The following MTG2 variants were observed in gnomAD, a reference collection of about 807,000 sequenced individuals.
The protein encoded by MTG2 is mitochondrial ribosome associated GTPase 2.
Under a neutral mutation model 28.6 loss-of-function variants are expected in MTG2, and 23 were observed. The ratio of observed to expected loss-of-function variants is 0.80; its 90% confidence interval spans 0.58 to 1.14. The LOEUF (loss-of-function observed/expected upper bound fraction) is 1.14. MTG2 is among the 50% of genes most tolerant of loss of function. The pLI is 0.00. For missense variants in MTG2, 539 were observed against 552.0 expected (o/e 0.98, Z 0.24); for synonymous variants, 260 against 251.8 (o/e 1.03, Z -0.31).
intron 1 of MTG2, among the ~76,000 whole-genome samples, chr20:62,192,442 C>T (rs770659673): frequency 1.2e-4 from 19 of 152,280 alleles, no homozygotes; most frequent in Middle Eastern, 3.4e-3. Flanking sequence ...CCTTACAGCA[C>T]GGGGATGAGT....
intron 1 of MTG2, among the ~76,000 whole-genome samples, chr20:62,184,655 G>A (rs1173364843): frequency 6.6e-6 from 1 of 152,196 alleles, no homozygotes; most frequent in East Asian, 1.9e-4. Flanking sequence ...CCAGTCTCTG[G>A]TAGAGGGCCA....
chr20:62,183,181 T>G (rs2057756961), intron 1 of MTG2, 124 bp downstream of exon 1: 1 of 152,072 alleles, frequency 6.6e-6, no homozygotes, highest in African/African-American at 2.4e-5. Context: ...GGCCCCGGCC[T>G]AGGAGCTGAG....
intron 1 of MTG2, among the ~76,000 whole-genome samples, chr20:62,191,985 G>A (rs890391886): frequency 3.3e-5 from 5 of 152,188 alleles, no homozygotes; most frequent in Non-Finnish European, 5.9e-5. Context: ...TGCCAACCCT[G>A]TCGCTCCGGG....
rs372614544 is a variant in MTG2, at chr20:62,189,410, A to G, written c.-5-4006A>G. ...TAGCAGCTTTGAATTCATGGGCTCA[A>G]GTGATTCTCCCACCTCAGCCTCCAA... On this transcript the variant is annotated intron_variant, in intron 1 of 6. Transcript: ENST00000370823. Among the ~76,000 whole-genome samples the G allele has an allele frequency of 1.8e-4, 28 of 152,178 alleles. No homozygotes were observed. In the East Asian group the frequency reaches 4.3e-3, roughly 23 times the overall value.
rs745835403 is a variant in MTG2 at position 62,200,723 on chromosome 20, C to T, written c.867C>T (p.Asn289=). The part of the protein sequence containing the change: ...IPGIIRGAHQ[N]RGLGSAFLRH... ...GCATCATACGAGGCGCCCACCAGAA[C>T]AGGGGTCTGGGGTCCGCCTTCCTCA... Residue 289 remains asparagine (N), a synonymous_variant, in exon 7 of 7, where the codon AAC becomes AAT. Transcript: ENST00000370823. The T allele has an allele frequency of 6.2e-7, 1 of 1,613,172 alleles. No homozygotes were observed. The highest frequency in any genetic ancestry group is 8.5e-7 in the Non-Finnish European group (1 of 1,179,968).
intron 3 of MTG2, among the ~76,000 whole-genome samples, chr20:62,196,661 C>T (rs1013451799): frequency 6.6e-6 from 1 of 150,684 alleles, no homozygotes; most frequent in Non-Finnish European, 1.5e-5. Flanking sequence ...CAGAGGAAGA[C>T]CCTATCTCAA....
chr20:62,183,220 C>T (rs1267353090), intron 1 of MTG2, among the ~76,000 whole-genome samples, 163 bp downstream of exon 1: 5 of 152,090 alleles, frequency 3.3e-5, no homozygotes, highest in Admixed American at 3.3e-4. Context: ...GGCTGCGAAC[C>T]CCGGCGGGAC....
chr20:62,197,918 G>C lies in MTG2; in HGVS notation c.419G>C (p.Gly140Ala). The C allele has an allele frequency of 6.2e-7, 1 of 1,614,198 alleles. No individual in the cohort carries two copies. Among genetic ancestry groups the C allele is most frequent in the African/African-American group, 1.3e-5 (1 of 75,050 alleles). ...TACCAGGGTTTCAGTGGAGAAGATGGAGGGAGTAAAAACTGCTTCGGGCGC... is the reference window on the plus strand; with the variant it reads ...TACCAGGGTTTCAGTGGAGAAGATGCAGGGAGTAAAAACTGCTTCGGGCGC... ...SRYQGFSGED[G>A]GSKNCFGRSG... Residue 140 changes from glycine (G) to alanine (A), a missense_variant, in exon 4 of 7, where the codon GGA becomes GCA. Physicochemically the swap from Gly to Ala is moderately conservative, Grantham distance 60. Coordinates refer to ENST00000370823, the MANE Select transcript of MTG2 (RefSeq NM_015666.4).
intron 1 of MTG2, among the ~76,000 whole-genome samples, chr20:62,192,452 T>C (rs1357335431): frequency 6.6e-6 from 1 of 151,962 alleles, no homozygotes; most frequent in African/African-American, 2.4e-5. Context: ...CGGGGATGAG[T>C]TCACCAAACT....
At chr20:62,189,561 T>G (rs560933825) in intron 1 of MTG2, among the ~76,000 whole-genome samples, 1 of 152,158 alleles carries the variant, frequency 6.6e-6, no homozygotes, top group Non-Finnish European at 1.5e-5. Flanking sequence ...CGCCTTGGCC[T>G]CCTACAGTGC....
intron 1 of MTG2, among the ~76,000 whole-genome samples, chr20:62,191,756 C>T (rs540694614): frequency 6.6e-6 from 1 of 152,070 alleles, no homozygotes; most frequent in Non-Finnish European, 1.5e-5. Context: ...CCCTCCTGTG[C>T]GACCTGCTGA....
rs1568797314 is a variant in MTG2 at position 62,203,367 on chromosome 20, T to G, written c.*2290T>G. On this transcript the variant is annotated 3_prime_UTR_variant, in exon 7 of 7. Transcript: ENST00000370823. The stretch of plus-strand genomic sequence containing the variant: ...TCCTTGCTGCAAAAAGCCCCAAGAC[T>G]TCTCCCTGCCACACACACAGCTTTT... 2 of 152,234 alleles carry G rather than the reference T, an allele frequency of 1.3e-5. No individual in the cohort carries two copies. The highest frequency in any genetic ancestry group is 6.5e-5 in the Admixed American group (1 of 15,284). The allele number at this position is 152,234 out of a possible 1,614,324, so 9.4% of individuals were successfully genotyped here. A position where few individuals can be genotyped will look rare whatever the true frequency, so the allele number is the denominator to read the frequency against.
intron 1 of MTG2, among the ~76,000 whole-genome samples, chr20:62,184,304 GC>G (rs1487699544): frequency 6.6e-6 from 1 of 152,050 alleles, no homozygotes; most frequent in Non-Finnish European, 1.5e-5. Flanking sequence ...GTTGCAGTGA[GC>G]CGAGACCGCA....
chr20:62,198,393 CTA>C (rs1192102273), intron 4 of MTG2: 63 of 584,346 alleles, frequency 1.1e-4, no homozygotes, highest in Non-Finnish European at 1.8e-4. Flanking sequence ...TTTAGAAACA[CTA>C]TTTGAAAAAG....
chr20:62,184,311 C>T (rs1394792599), intron 1 of MTG2, among the ~76,000 whole-genome samples: 1 of 151,948 alleles, frequency 6.6e-6, no homozygotes, highest in Non-Finnish European at 1.5e-5. Flanking sequence ...TGAGCCGAGA[C>T]CGCACCACTC....
chr20:62,198,383 T>C (rs902117666), intron 4 of MTG2: 2 of 575,244 alleles, frequency 3.5e-6, no homozygotes, highest in Non-Finnish European at 6.2e-6. Context: ...ACACTAACGT[T>C]TTAGAAACAC....
At chr20:62,183,259 G>T (rs2057759036) in intron 1 of MTG2, among the ~76,000 whole-genome samples, 1 of 152,196 alleles carries the variant, frequency 6.6e-6, no homozygotes, top group Non-Finnish European at 1.5e-5. Flanking sequence ...AGTAGCGAGC[G>T]CTCGGGCGGT....
chr20:62,198,268 A>C, intron 4 of MTG2: 1 of 517,784 alleles, frequency 1.9e-6, no homozygotes, highest in South Asian at 2.2e-5. Flanking sequence ...TGACCCCATG[A>C]GCCGACCTCT....
chr20:62,186,453 A>C (rs960215154), intron 1 of MTG2, among the ~76,000 whole-genome samples: 3 of 151,834 alleles, frequency 2.0e-5, no homozygotes, highest in Non-Finnish European at 4.4e-5. Flanking sequence ...GTATTTAAGA[A>C]TACAACTGAT....
Sources: allele counts gnomAD v4.1 joint callset (sites outside exome capture counted in the v4.1 genomes callset), GRCh38; gene constraint gnomAD v4.1.1; transcripts MANE v1.5; gene names NCBI Gene and HGNC (gene_info 2026-07-23, HGNC 2026-07-21).